ICE2: variants seen among roughly 807,000 people sequenced by gnomAD.
ICE2 encodes the protein little elongation complex subunit 2.
In ICE2, 87 loss-of-function variants were observed where a neutral mutation model predicts 105.4. The ratio of observed to expected loss-of-function variants is 0.83; its 90% CI spans 0.69 to 0.99. The LOEUF is 0.99. Among genes scored for constraint, ICE2 ranks in the 50% least tolerant of loss-of-function variants. ICE2 has a pLI of 0.00. For synonymous variants in ICE2, 399 were observed against 392.0 expected, an observed-to-expected ratio of 1.02 and a Z score of -0.21; for missense variants, 1,323 against 1,146.7, an observed-to-expected ratio of 1.15 and a Z score of -2.22.
chr15:60,478,142 T>C (rs530742902), intron 1 of ICE2, 73 bp from the exon 2 acceptor site: 2 of 651,510 alleles, frequency 3.1e-6, no homozygotes, highest in South Asian at 3.5e-5. Flanking sequence ...TGAGGAAGAA[T>C]CTCTCCCTAA....
rs115877823 is a variant in ICE2 at position 60,423,500 on chromosome 15, C to A, written c.*134G>T. 1.9e-3 allele frequency: 1,324 copies of A among 696,446 alleles called. 13 individuals carry two copies. In the African/African-American group the frequency reaches 0.023, roughly 12 times the overall value. The allele number at this position is 696,446 out of a possible 1,614,324, so 43.1% of individuals were successfully genotyped here. On this transcript the variant is annotated 3_prime_UTR_variant, in exon 16 of 16. Coordinates refer to ENST00000261520, the MANE Select transcript of ICE2 (RefSeq NM_024611.6). ...TTGAAATATTCCTTCACATAGCCAACACATTTTTTCAAGGCACTCTAGCTA... is the reference window on the plus strand; with the variant it reads ...TTGAAATATTCCTTCACATAGCCAAAACATTTTTTCAAGGCACTCTAGCTA...
At chr15:60,477,511 C>T (rs1176428790) in intron 2 of ICE2, among the ~76,000 whole-genome samples, 2 of 152,182 alleles carry the variant, frequency 1.3e-5, no homozygotes, top group African/African-American at 4.8e-5. Context: ...GCAAAGTTCT[C>T]ATACACTTTT....
intron 15 of ICE2, among the ~76,000 whole-genome samples, chr15:60,424,245 A>T (rs1232050006): frequency 6.6e-6 from 1 of 152,042 alleles, no homozygotes; most frequent in East Asian, 1.9e-4. Context: ...AAGGAAAGAA[A>T]ATTGAGGAAA....
At chr15:60,441,489 C>G (rs1467947190) in intron 12 of ICE2, 2 of 152,124 alleles carry the variant, frequency 1.3e-5, no homozygotes, top group Non-Finnish European at 2.9e-5. Context: ...AGACTCAACA[C>G]AGAATTTTAT....
chr15:60,452,834 C>T (rs2063997989), intron 9 of ICE2: 1 of 982,670 alleles, frequency 1.0e-6, no homozygotes, highest in African/African-American at 1.7e-5. Context: ...TGTAATCTGC[C>T]CGAGGTCACA....
chr15:60,466,978 A>C (rs2064449234), intron 4 of ICE2, among the ~76,000 whole-genome samples: 1 of 152,226 alleles, frequency 6.6e-6, no homozygotes, highest in Non-Finnish European at 1.5e-5. Context: ...GCTGTCAAAA[A>C]AAATTTTTTT....
At chr15:60,445,094 G>T (rs539839260) in intron 11 of ICE2, among the ~76,000 whole-genome samples, 2 of 152,192 alleles carry the variant, frequency 1.3e-5, no homozygotes, top group East Asian at 3.9e-4. Context: ...AAATGATACT[G>T]GAAACTAAAA....
At chr15:60,461,177 C>G (rs12442912) in intron 5 of ICE2, among the ~76,000 whole-genome samples, 24 of 152,084 alleles carry the variant, frequency 1.6e-4, no homozygotes, top group Non-Finnish European at 3.2e-4. Context: ...GCAAATATTT[C>G]TATGCTAGAA....
intron 3 of ICE2, among the ~76,000 whole-genome samples, chr15:60,472,872 GA>G (rs1567014440): frequency 1.3e-5 from 2 of 151,952 alleles, no homozygotes; most frequent in African/African-American, 2.4e-5. Flanking sequence ...ATTAATACCT[GA>G]AATTTTTAGT....
chr15:60,451,943 T>C (rs1281049855), intron 9 of ICE2: 1 of 346,038 alleles, frequency 2.9e-6, no homozygotes, highest in East Asian at 1.7e-4. Flanking sequence ...CCTCACTATC[T>C]TGTTAGCTTT....
At chr15:60,451,331 G>A (rs2063961314) in intron 9 of ICE2, 2 of 890,972 alleles carry the variant, frequency 2.2e-6, no homozygotes, top group Non-Finnish European at 2.7e-6. Flanking sequence ...TTCAAAAAAT[G>A]AACTATAAAT....
chr15:60,434,304 T>TA (rs2063529636), intron 13 of ICE2, among the ~76,000 whole-genome samples: 1 of 152,186 alleles, frequency 6.6e-6, no homozygotes, highest in Non-Finnish European at 1.5e-5. Context: ...ACTGAGAAGT[T>TA]AGACTCTCAG....
At position 60,449,683 on chromosome 15, in the gene ICE2, C is replaced by T; in HGVS notation, c.1284G>A (p.Met428Ile). 6.2e-7 allele frequency: 1 copy of T among 1,614,060 alleles called. No individual in the cohort carries two copies. The highest frequency in any genetic ancestry group is 8.5e-7 in the Non-Finnish European group (1 of 1,180,016). The change falls in exon 10 of 16, where the codon ATG becomes ATA. Residue 428 changes from methionine (M) to isoleucine (I), a missense_variant. Met to Ile is a conservative substitution (Grantham distance 10). Coordinates refer to ENST00000261520, the MANE Select transcript of ICE2 (RefSeq NM_024611.6). ...SPASTSTVPN[M>I]TDAPTAPKAG... Reference sequence around the variant, plus strand: ...CTTTGGGGGCTGTAGGAGCATCTGTCATGTTAGGTACTGTGGAAGTACTTG... The same window carrying T: ...CTTTGGGGGCTGTAGGAGCATCTGTTATGTTAGGTACTGTGGAAGTACTTG...
chr15:60,459,978 TAA>T (rs1193388195), intron 5 of ICE2, among the ~76,000 whole-genome samples: 2 of 152,166 alleles, frequency 1.3e-5, no homozygotes, highest in Non-Finnish European at 2.9e-5. Context: ...ACTTTCTAAT[TAA>T]AAGAGATTAT....
At position 60,471,702 on chromosome 15, in the gene ICE2, A is replaced by G. The variant is rs191437952; in HGVS notation, c.147-3380T>C. ...TTTCTCTATTCACGTATACAGCATT[A>G]TATTTTATTTTGGTTGATGGTTTGA... On this transcript the variant is annotated intron_variant, in intron 3 of 15. Coordinates refer to ENST00000261520, the MANE Select transcript of ICE2 (RefSeq NM_024611.6). Among the ~76,000 whole-genome samples, 5 of 152,166 alleles carry G rather than the reference A, an allele frequency of 3.3e-5. No homozygotes were observed. In the East Asian group the frequency reaches 9.6e-4, roughly 29 times the overall value.
chr15:60,476,272 C>T (rs2064759562), intron 2 of ICE2, 105 bp from the exon 3 acceptor site: 3 of 667,278 alleles, frequency 4.5e-6, no homozygotes, highest in African/African-American at 3.7e-5. Context: ...CCTTCTTACC[C>T]CCCCATCCCC....
At chr15:60,436,942 T>C (rs2063606764) in intron 12 of ICE2, among the ~76,000 whole-genome samples, 1 of 152,096 alleles carries the variant, frequency 6.6e-6, no homozygotes, top group Non-Finnish European at 1.5e-5. Flanking sequence ...AATTAGATTA[T>C]GAAAATCTGG....
chr15:60,464,396 CA>C (rs201236582), intron 5 of ICE2, among the ~76,000 whole-genome samples: 2,307 of 151,978 alleles, frequency 0.015, 26 homozygotes, highest in South Asian at 0.032. Context: ...AGGGGAAGGA[CA>C]ATAAGCAAAA....
At chr15:60,440,246 T>C (rs182817388) in intron 12 of ICE2, 1 of 152,202 alleles carries the variant, frequency 6.6e-6, no homozygotes, top group Non-Finnish European at 1.5e-5. Flanking sequence ...CTTTATACAA[T>C]TACTCACTGT....
Sources: gnomAD v4.1 joint callset for allele counts (sites outside exome capture counted in the v4.1 genomes callset) on GRCh38, gnomAD v4.1.1 for gene constraint, MANE v1.5 for transcripts, NCBI Gene and HGNC (gene_info 2026-07-23, HGNC 2026-07-21) for gene names.